Variants in VWF observed in about 807,000 individuals in gnomAD.
VWF encodes the protein Factor VIII related antigen.
In VWF, 176 loss-of-function variants were observed where a neutral mutation model predicts 308.6. That is an observed-to-expected ratio of 0.57 (90% CI 0.50 to 0.65). The LOEUF is 0.65. Among genes scored for constraint, VWF ranks in the 30% least tolerant of loss-of-function variants. The pLI is 0.00. For missense variants in VWF, 3,146 were observed against 3,648.2 expected, an observed-to-expected ratio of 0.86 and a Z score of 3.55; for synonymous variants, 1,385 against 1,443.4, an observed-to-expected ratio of 0.96 and a Z score of 0.92.
intron 31 of VWF, 97 bp from the exon 32 acceptor site, chr12:6,013,742 T>C: frequency 7.0e-7 from 1 of 1,423,630 alleles, no homozygotes; most frequent in Admixed American, 1.7e-5. Context: ...CAGCCTCATG[T>C]TTTCCAGGCT....
chr12:6,036,534 G>A (rs1423685702), intron 18 of VWF, 43 bp from the exon 19 acceptor site: 4 of 1,579,958 alleles, frequency 2.5e-6, no homozygotes, highest in East Asian at 4.5e-5. Context: ...CACAGTGACT[G>A]ATCTAAAGCC....
intron 15 of VWF, among the ~76,000 whole-genome samples, chr12:6,054,257 G>A (rs1169711233): frequency 3.9e-5 from 6 of 152,154 alleles, no homozygotes; most frequent in East Asian, 1.9e-4. Flanking sequence ...GGGAAGGGAG[G>A]GCCTCTTTAA....
rs531796052 is a variant in VWF, at chr12:6,075,136, G to C, written c.874+199C>G. On this transcript the variant is annotated intron_variant, in intron 7 of 51. Coordinates refer to ENST00000261405, the MANE Select transcript of VWF (RefSeq NM_000552.5). This position sits in a 1 kb window ranked among gnomAD's most constrained non-coding sequence, Gnocchi z 4.7. The stretch of plus-strand genomic sequence containing the variant: ...GGGACGGAGGCAGGGGCAGGACACG[G>C]GGCTTTGGGAAGCCCGTTTGACAGA... 6.6e-6 allele frequency among the ~76,000 whole-genome samples: 1 copy of C among 152,184 alleles called. No individual in the cohort carries two copies. Among genetic ancestry groups the C allele is most frequent in the East Asian group, 1.9e-4 (1 of 5,170 alleles).
chr12:5,988,733 C>G (rs1400108046), intron 38 of VWF, among the ~76,000 whole-genome samples: 3 of 152,224 alleles, frequency 2.0e-5, no homozygotes, highest in African/African-American at 7.2e-5. Context: ...CCTGGCCAGG[C>G]TATGCAGCAA....
chr12:5,948,977 G>A lies in VWF; in HGVS notation c.*38C>T, dbSNP rs778305533. ...CACTCTGGCCTGGCCATCAGGCCAAGGCAGGCAGCAGCAGGCACCCATGCA... is the reference window on the plus strand; with the variant it reads ...CACTCTGGCCTGGCCATCAGGCCAAAGCAGGCAGCAGCAGGCACCCATGCA... On this transcript the variant is annotated 3_prime_UTR_variant, in exon 52 of 52. Transcript: ENST00000261405. This position sits in a 1 kb window ranked among gnomAD's most constrained non-coding sequence, Gnocchi z 4.4. 1.7e-5 allele frequency: 27 copies of A among 1,596,122 alleles called. No homozygotes were observed. Among genetic ancestry groups the A allele is most frequent in the Non-Finnish European group, 1.8e-5 (21 of 1,171,694 alleles).
chr12:5,983,432 T>TAGATAGATAGATAGAG (rs1187193416), intron 40 of VWF, among the ~76,000 whole-genome samples, 178 bp from the exon 41 acceptor site: 1 of 152,000 alleles, frequency 6.6e-6, no homozygotes, highest in Admixed American at 6.6e-5. Flanking sequence ...GATAGATAGA[T>TAGATAGATAGATAGAG]AGAATGATAA....
chr12:6,116,002 T>G (rs534277011), intron 3 of VWF, among the ~76,000 whole-genome samples: 5 of 152,276 alleles, frequency 3.3e-5, no homozygotes, highest in East Asian at 3.9e-4. Flanking sequence ...ATTGCACTAA[T>G]CACTAATGCA....
At chr12:6,068,839 T>G (rs998511215) in intron 10 of VWF, among the ~76,000 whole-genome samples, 1 of 92,930 alleles carries the variant, frequency 1.1e-5, no homozygotes, top group African/African-American at 3.3e-5. Context: ...TTTTTGCGTG[T>G]GTGTGTGTGT....
rs141334113 is a variant in VWF at position 6,047,956 on chromosome 12, G to A, written c.2187-1139C>T. On this transcript the variant is annotated intron_variant, in intron 16 of 51. Transcript: ENST00000261405. The stretch of plus-strand genomic sequence containing the variant: ...TCTATCTGCACAGAGGCAGAAGGGC[G>A]GGGATAGCAGGTGTGAATACCTGAC... Among the ~76,000 whole-genome samples, 11 of 152,340 alleles carry A rather than the reference G, an allele frequency of 7.2e-5. No individual in the cohort carries two copies. In the East Asian group the frequency reaches 1.5e-3, roughly 21 times the overall value.
chr12:6,007,572 G>A (rs1345435721), intron 34 of VWF, among the ~76,000 whole-genome samples: 5 of 152,024 alleles, frequency 3.3e-5, no homozygotes, highest in South Asian at 2.1e-4. Flanking sequence ...AACAGCAAAA[G>A]CAATAAAAGG....
chr12:6,045,988 C>T (rs1054413200), intron 17 of VWF, among the ~76,000 whole-genome samples: 13 of 151,960 alleles, frequency 8.6e-5, no homozygotes, highest in African/African-American at 3.1e-4. Context: ...TTTGGGAGGC[C>T]GAGGCAGGCA....
intron 5 of VWF, among the ~76,000 whole-genome samples, chr12:6,100,364 C>A (rs2136506611): frequency 6.7e-6 from 1 of 148,630 alleles, no homozygotes; most frequent in East Asian, 1.9e-4. Flanking sequence ...ACTAGAAATA[C>A]CATTTGACCC....
chr12:6,064,310 C>G lies in VWF; in HGVS notation c.1368G>C (p.Val456=), dbSNP rs1312850436. The change falls in exon 12 of 52, where the codon GTG becomes GTC. Residue 456 remains valine, a synonymous_variant. Coordinates refer to ENST00000261405, the MANE Select transcript of VWF (RefSeq NM_000552.5). ...VRLPGLHNSL[V]KLKHGAGVAM... is the part of the protein sequence containing the mutation. ...CAACTCCTGCCCCATGCTTCAGTTT[C>G]ACAAGGCTGTTGTGCAGGCCAGGCA... The G allele has an allele frequency of 6.2e-7, 1 of 1,614,210 alleles. No homozygotes were observed. The highest frequency in any genetic ancestry group is 8.5e-7 in the Non-Finnish European group (1 of 1,180,036).
At chr12:5,970,128 C>G (rs1019023585) in intron 44 of VWF, among the ~76,000 whole-genome samples, 4 of 152,126 alleles carry the variant, frequency 2.6e-5, no homozygotes, top group South Asian at 2.1e-4. Flanking sequence ...CTTCACCCCC[C>G]ACTCCTGACT....
chr12:5,976,439 C>G (rs995559961), intron 42 of VWF, among the ~76,000 whole-genome samples, 179 bp from the exon 43 acceptor site: 1 of 152,194 alleles, frequency 6.6e-6, no homozygotes, highest in Non-Finnish European at 1.5e-5. Context: ...CCTCCTTTCC[C>G]TGCCCACCAG....
In VWF at chr12:6,058,399, G is replaced by C. The variant is rs1333723250; in HGVS notation, c.1534-355C>G. Among the ~76,000 whole-genome samples, 1 of 152,164 alleles carries C rather than the reference G, an allele frequency of 6.6e-6. No individual in the cohort carries two copies. Among genetic ancestry groups the C allele is most frequent in the African/African-American group, 2.4e-5 (1 of 41,444 alleles). ...CGGAGCTAGGGTGAGTAGGCAGGTT[G>C]AGCCCAGCCCGAAGCACTCTGCCCT... On this transcript the variant is annotated intron_variant, in intron 13 of 51. Coordinates refer to ENST00000261405, the MANE Select transcript of VWF (RefSeq NM_000552.5). This position sits in a 1 kb window ranked among gnomAD's most constrained non-coding sequence, Gnocchi z 4.9.
rs191042549 is a variant in VWF at position 6,057,394 on chromosome 12, G to A, written c.1730-322C>T. Among the ~76,000 whole-genome samples, 506 of 145,794 alleles carry A rather than the reference G, an allele frequency of 3.5e-3. 1 individual carries two copies. Among genetic ancestry groups the A allele is most frequent in the Non-Finnish European group, 5.6e-3 (374 of 67,210 alleles). Reference sequence around the variant, plus strand: ...CAGAAATGCGATCTTGGCTCACTGCGGCCTTGCCTTCCTGGGTTCATGCAA... The same window carrying A: ...CAGAAATGCGATCTTGGCTCACTGCAGCCTTGCCTTCCTGGGTTCATGCAA... On this transcript the variant is annotated intron_variant, in intron 14 of 51. Transcript: ENST00000261405.
intron 47 of VWF, 140 bp downstream of exon 47, chr12:5,967,346 C>T (rs1943414558): frequency 1.2e-6 from 1 of 803,452 alleles, no homozygotes; most frequent in African/African-American, 1.7e-5. Flanking sequence ...TTTTTAGTCT[C>T]TTCTTTATTA....
Position 5,981,865 on chromosome 12 carries a change from A to G in VWF, c.7208T>C (p.Val2403Ala), listed in dbSNP as rs762156577. 1 of 1,613,102 alleles carries G rather than the reference A, an allele frequency of 6.2e-7. No individual in the cohort carries two copies. The highest frequency in any genetic ancestry group is 1.1e-5 in the South Asian group (1 of 91,058). ...GGCCAAGTACCCAAGGGGACAGCTCACTGTGGAGTTGACACAGTTGCAGGC... is the reference window on the plus strand; with the variant it reads ...GGCCAAGTACCCAAGGGGACAGCTCGCTGTGGAGTTGACACAGTTGCAGGC... ...ECACNCVNST[V>A]SCPLGYLAST... The change falls in exon 42 of 52, where the codon GTG becomes GCG. Residue 2403 changes from valine (V) to alanine (A), a missense_variant. Transcript: ENST00000261405.
Sources: gnomAD v4.1 joint callset for allele counts (sites outside exome capture counted in the v4.1 genomes callset) on GRCh38, gnomAD v4.1.1 for gene constraint, Gnocchi (gnomAD v3.1) non-coding constraint, MANE v1.5 for transcripts, NCBI Gene and HGNC (gene_info 2026-07-23, HGNC 2026-07-21) for gene names.